KCNQ1OT1: variants seen among roughly 807,000 people sequenced by gnomAD.
KCNQ1OT1 encodes the protein KCNQ1 opposite strand/antisense transcript 1, also known as KCNQ1 antisense RNA 2 (non-protein coding).
exon 1 of KCNQ1OT1, chr11:2,667,426 C>A (rs1241702389): frequency 2.5e-6 from 1 of 398,736 alleles, no homozygotes; most frequent in South Asian, 1.3e-4. Context: ...TGTGAACTCC[C>A]AGCCATGATG....
exon 1 of KCNQ1OT1, chr11:2,685,068 C>G (rs1850460650): frequency 2.5e-6 from 1 of 398,656 alleles, no homozygotes; most frequent in Non-Finnish European, 4.4e-6. Flanking sequence ...ATGGGACAGC[C>G]TGTGAGAATT....
chr11:2,662,326 T>C, exon 1 of KCNQ1OT1: 1 of 576,936 alleles, frequency 1.7e-6, no homozygotes, highest in Admixed American at 3.0e-5. Flanking sequence ...GACTGATCAT[T>C]TTCCACTTGT....
exon 1 of KCNQ1OT1, chr11:2,634,173 C>T: frequency 2.5e-6 from 1 of 392,554 alleles, no homozygotes; most frequent in Admixed American, 4.5e-5. Context: ...TCTCTCTCTC[C>T]CTTTTTTTTA....
chr11:2,641,356 T>A (rs1336905987), exon 1 of KCNQ1OT1: 1 of 398,364 alleles, frequency 2.5e-6, no homozygotes, highest in Non-Finnish European at 4.4e-6. Context: ...CTCACTATGG[T>A]TTTGGCTTGC....
Position 2,669,573 on chromosome 11 carries a change from T to A in KCNQ1OT1, n.30422A>T. On this transcript the variant is annotated non_coding_transcript_exon_variant, in exon 1 of 1. Transcript: ENST00000597346. This position sits in a 1 kb window ranked among gnomAD's most constrained non-coding sequence, Gnocchi z 5.6. ...GTCAGGGAGCCCTGGCCAGCTTGGG[T>A]CATTTCATCCTGCCCACAGGACACT... 3 of 398,580 alleles carry A rather than the reference T, an allele frequency of 7.5e-6. No homozygotes were observed. Among genetic ancestry groups the A allele is most frequent in the Non-Finnish European group, 1.3e-5 (3 of 226,054 alleles). 24.7% of individuals were successfully genotyped at this position (398,580 alleles called of 1,614,324 possible).
chr11:2,651,361 C>T lies in KCNQ1OT1; in HGVS notation n.48634G>A, dbSNP rs1341013849. 1 of 398,602 alleles carries T rather than the reference C, an allele frequency of 2.5e-6. No homozygotes were observed. Among genetic ancestry groups the T allele is most frequent in the Non-Finnish European group, 4.4e-6 (1 of 226,132 alleles). 24.7% of individuals were successfully genotyped at this position (398,602 alleles called of 1,614,324 possible). On this transcript the variant is annotated non_coding_transcript_exon_variant, in exon 1 of 1. Coordinates refer to ENST00000597346, the Ensembl canonical transcript of KCNQ1OT1. The surrounding 1 kb of genome is among the most constrained non-coding windows in gnomAD (Gnocchi z 6.1). ...CGGCTGAGAGAGCTGGGGTATTTAT[C>T]TTTCACTAGTGAGTGCTGCCCCGGT... is the stretch of plus-strand genomic sequence containing the variant.
chr11:2,639,473 T>C (rs546075712), exon 1 of KCNQ1OT1: 1 of 152,330 alleles, frequency 6.6e-6, no homozygotes, highest in East Asian at 1.9e-4. Flanking sequence ...TTGCTGGAGG[T>C]CCACTCCAGA....
exon 1 of KCNQ1OT1, chr11:2,686,825 A>AC (rs1387000169): frequency 2.5e-6 from 1 of 398,550 alleles, no homozygotes; most frequent in East Asian, 3.6e-5. Flanking sequence ...GAGCAGCACA[A>AC]GTAACTCAGA....
At chr11:2,638,255 G>C (rs1213058143) in exon 1 of KCNQ1OT1, 2 of 152,198 alleles carry the variant, frequency 1.3e-5, no homozygotes, top group Admixed American at 1.3e-4. Flanking sequence ...AGTTGATGCA[G>C]TTTCTTCCTA....
rs1850548622 is a variant in KCNQ1OT1 at position 2,689,279 on chromosome 11, A to G, written n.10716T>C. 7.5e-6 allele frequency: 3 copies of G among 398,670 alleles called. No individual in the cohort carries two copies. The East Asian group carries it at 1.1e-4, about 14-fold the overall frequency. The allele number at this position is 398,670 out of a possible 1,614,324, so 24.7% of individuals were successfully genotyped here. A position where few individuals can be genotyped will look rare whatever the true frequency, so the allele number is the denominator to read the frequency against. The stretch of plus-strand genomic sequence containing the variant: ...GACGTTCCTATCAGCCTTTGCACAG[A>G]TATCTCCCACTCCAACCCTAAGACT... On this transcript the variant is annotated non_coding_transcript_exon_variant, in exon 1 of 1. Coordinates refer to ENST00000597346, the Ensembl canonical transcript of KCNQ1OT1.
exon 1 of KCNQ1OT1, chr11:2,667,069 C>G: frequency 2.5e-6 from 1 of 398,604 alleles, no homozygotes; most frequent in South Asian, 1.3e-4. Context: ...CTGAAATGCA[C>G]GGGGGGATTA....
chr11:2,617,950 A>G lies in KCNQ1OT1; in HGVS notation n.82045T>C, dbSNP rs921626912. 1.5e-5 allele frequency: 6 copies of G among 398,428 alleles called. No homozygotes were observed. Among genetic ancestry groups the G allele is most frequent in the Admixed American group, 8.8e-5 (2 of 22,704 alleles). 24.7% of individuals were successfully genotyped at this position (398,428 alleles called of 1,614,324 possible). On this transcript the variant is annotated non_coding_transcript_exon_variant, in exon 1 of 1. Transcript: ENST00000597346. This position sits in a 1 kb window ranked among gnomAD's most constrained non-coding sequence, Gnocchi z 4.6. ...TGGATATTATCCTCTTATAAGATAT[A>G]TGGTTGGCAAATATTTTCTTCTAGT...
exon 1 of KCNQ1OT1, chr11:2,631,491 G>A (rs1421779038): frequency 1.3e-5 from 5 of 391,624 alleles, no homozygotes; most frequent in African/African-American, 4.5e-5. Flanking sequence ...GATTTCATTA[G>A]GTTGTCTCTC....
exon 1 of KCNQ1OT1, chr11:2,684,442 G>C (rs147173878): frequency 2.5e-6 from 1 of 398,520 alleles, no homozygotes; most frequent in Admixed American, 4.4e-5. Context: ...ATTTGAAAAC[G>C]TGTTCTTTTG....
chr11:2,632,725 C>A, exon 1 of KCNQ1OT1: 1 of 398,328 alleles, frequency 2.5e-6, no homozygotes, highest in South Asian at 1.3e-4. Flanking sequence ...TATCCAAGTT[C>A]ATCCATGTTG....
exon 1 of KCNQ1OT1, chr11:2,684,118 T>G: frequency 2.5e-6 from 1 of 398,634 alleles, no homozygotes; most frequent in Non-Finnish European, 4.4e-6. Context: ...CATAGATTCT[T>G]AAGGGGACCG....
Position 2,608,651 on chromosome 11 carries a change from A to G in KCNQ1OT1, n.91344T>C. Reference sequence around the variant, plus strand: ...GTTATTCAAAAAATATTTTGTAGAGATAGGGTCTTGCTTTGTTGTGCATGC... The same window carrying G: ...GTTATTCAAAAAATATTTTGTAGAGGTAGGGTCTTGCTTTGTTGTGCATGC... On this transcript the variant is annotated non_coding_transcript_exon_variant, in exon 1 of 1. Coordinates refer to ENST00000597346, the Ensembl canonical transcript of KCNQ1OT1. This position sits in a 1 kb window ranked among gnomAD's most constrained non-coding sequence, Gnocchi z 4.6. 1 of 398,544 alleles carries G rather than the reference A, an allele frequency of 2.5e-6. No individual in the cohort carries two copies. The highest frequency in any genetic ancestry group is 4.4e-6 in the Non-Finnish European group (1 of 226,056). The allele number at this position is 398,544 out of a possible 1,614,324, so 24.7% of individuals were successfully genotyped here. A position where few individuals can be genotyped will look rare whatever the true frequency, so the allele number is the denominator to read the frequency against.
rs921159705 is a variant in KCNQ1OT1, at chr11:2,698,804, A to T, written n.1191T>A. On this transcript the variant is annotated non_coding_transcript_exon_variant, in exon 1 of 1. Transcript: ENST00000597346. This position sits in a 1 kb window ranked among gnomAD's most constrained non-coding sequence, Gnocchi z 5.1. ...TTCAGGTCCCCAACTCAGACTCCCG[A>T]TCCTCTGTCCCTAATGAGGCCCTAC... 28 of 398,694 alleles carry T rather than the reference A, an allele frequency of 7.0e-5. No individual in the cohort carries two copies. Among genetic ancestry groups the T allele is most frequent in the African/African-American group, 5.8e-4 (28 of 48,690 alleles). The allele number at this position is 398,694 out of a possible 1,614,324, so 24.7% of individuals were successfully genotyped here.
Position 2,678,831 on chromosome 11 carries a change from A to C in KCNQ1OT1, n.21164T>G. 1 of 398,636 alleles carries C rather than the reference A, an allele frequency of 2.5e-6. No homozygotes were observed. The highest frequency in any genetic ancestry group is 3.6e-5 in the East Asian group (1 of 28,076). The allele number at this position is 398,636 out of a possible 1,614,324, so 24.7% of individuals were successfully genotyped here. On this transcript the variant is annotated non_coding_transcript_exon_variant, in exon 1 of 1. Transcript: ENST00000597346. The surrounding 1 kb of genome is among the most constrained non-coding windows in gnomAD (Gnocchi z 4.9). ...CTTGTTTCTTCCAAGGCTCACTTCA[A>C]GGAAGGCAGAATCCAGGTCGGGGGT... is the stretch of plus-strand genomic sequence containing the variant.
Sources: gnomAD v4.1 joint callset for allele counts on GRCh38, gnomAD v4.1.1 for gene constraint, Gnocchi (gnomAD v3.1) non-coding constraint, MANE v1.5 for transcripts, NCBI Gene and HGNC (gene_info 2026-07-23, HGNC 2026-07-21) for gene names.